Variants in LIX1 observed in about 807,000 individuals in gnomAD.
The protein encoded by LIX1 is protein limb expression 1 homolog.
In LIX1, 24 loss-of-function variants were observed where a neutral mutation model predicts 33.4. That is an observed-to-expected ratio of 0.72 (90% confidence interval 0.52 to 1.01). The LOEUF (loss-of-function observed/expected upper bound fraction) is 1.01. LIX1 is among the 50% of genes least tolerant of loss of function. The pLI, the probability that LIX1 is intolerant of heterozygous loss-of-function variation, is 0.00. For missense variants in LIX1, 311 were observed against 339.2 expected (o/e 0.92, Z 0.65); for synonymous variants, 124 against 124.0 (o/e 1.00, Z 0.00).
rs1208093783 is a variant in LIX1 at position 97,093,307 on chromosome 5, T to C, written c.*1441A>G. The C allele has an allele frequency of 6.6e-6, 1 of 152,334 alleles. No homozygotes were observed. The highest frequency in any genetic ancestry group is 1.5e-5 in the Non-Finnish European group (1 of 68,046). The allele number at this position is 152,334 out of a possible 1,614,324, so 9.4% of individuals were successfully genotyped here. On this transcript the variant is annotated 3_prime_UTR_variant, in exon 6 of 6. Transcript: ENST00000274382. Reference sequence around the variant, plus strand: ...GGTTTTGCTTTCAGTGAAGCATGTATGCACTTGCATAAACAAAAGAAAAAG... The same window carrying C: ...GGTTTTGCTTTCAGTGAAGCATGTACGCACTTGCATAAACAAAAGAAAAAG...
intron 3 of LIX1, 29 bp from the exon 4 acceptor site, chr5:97,105,314 T>A: frequency 1.9e-6 from 3 of 1,574,584 alleles, no homozygotes; most frequent in Non-Finnish European, 2.6e-6. Context: ...AAAAGAAAAA[T>A]TACTGATTTT....
rs923733719 is a variant in LIX1 at position 97,094,502 on chromosome 5, T to C, written c.*246A>G. ...GCCTGGAAAATGTTTTTCAAACAATTTTGTGTCTATCCTTTCATCCTGAGC... is the reference window on the plus strand; with the variant it reads ...GCCTGGAAAATGTTTTTCAAACAATCTTGTGTCTATCCTTTCATCCTGAGC... On this transcript the variant is annotated 3_prime_UTR_variant, in exon 6 of 6. Coordinates refer to ENST00000274382, the MANE Select transcript of LIX1 (RefSeq NM_153234.5). 3 of 480,262 alleles carry C rather than the reference T, an allele frequency of 6.2e-6. No individual in the cohort carries two copies. Among genetic ancestry groups the C allele is most frequent in the Non-Finnish European group, 1.1e-5 (3 of 272,228 alleles). The allele number at this position is 480,262 out of a possible 1,614,324, so 29.8% of individuals were successfully genotyped here.
intron 4 of LIX1, chr5:97,101,980 A>T (rs1343610694): frequency 6.6e-6 from 1 of 152,176 alleles, no homozygotes; most frequent in African/African-American, 2.4e-5. Context: ...TAAATATATT[A>T]ACCAGCTTCA....
At position 97,093,268 on chromosome 5, in the gene LIX1, A is replaced by T. The variant is rs1455962524; in HGVS notation, c.*1480T>A. 1.3e-5 allele frequency: 2 copies of T among 152,268 alleles called. No homozygotes were observed. Among genetic ancestry groups the T allele is most frequent in the African/African-American group, 4.8e-5 (2 of 41,462 alleles). The allele number at this position is 152,268 out of a possible 1,614,324, so 9.4% of individuals were successfully genotyped here. ...TAAAATATCATATTTTATAAACTTT[A>T]ATGTAATTATAATGGTTTTGCTTTC... On this transcript the variant is annotated 3_prime_UTR_variant, in exon 6 of 6. Transcript: ENST00000274382.
chr5:97,103,578 C>T (rs1025710935), intron 4 of LIX1, among the ~76,000 whole-genome samples: 10 of 152,198 alleles, frequency 6.6e-5, no homozygotes, highest in African/African-American at 2.2e-4. Flanking sequence ...CTGACATGTG[C>T]CCCATCCACT....
chr5:97,122,346 G>C (rs1747807459), intron 2 of LIX1, among the ~76,000 whole-genome samples: 3 of 152,082 alleles, frequency 2.0e-5, no homozygotes, highest in Admixed American at 6.6e-5. Context: ...TTAGACTGTG[G>C]CATCTTTGCC....
chr5:97,123,067 G>A (rs1043355582), intron 2 of LIX1, among the ~76,000 whole-genome samples: 7 of 152,004 alleles, frequency 4.6e-5, no homozygotes, highest in African/African-American at 1.7e-4. Context: ...CCCCTCTTCT[G>A]GTTCTTTGTC....
Position 97,120,826 on chromosome 5 carries a change from C to A in LIX1, c.246+3640G>T, listed in dbSNP as rs571829061. Among the ~76,000 whole-genome samples the A allele has an allele frequency of 2.2e-3, 332 of 152,220 alleles. 3 individuals carry two copies. The highest frequency in any genetic ancestry group is 7.8e-3 in the African/African-American group (324 of 41,538). On this transcript the variant is annotated intron_variant, in intron 2 of 5. Transcript: ENST00000274382. ...GGAGCCATTGAAGCCCCCCTTTTTA[C>A]TTTCTATTTTGAAATAAATGCTACG...
At chr5:97,126,357 C>G (rs1169448166) in intron 1 of LIX1, among the ~76,000 whole-genome samples, 1 of 152,186 alleles carries the variant, frequency 6.6e-6, no homozygotes, top group Non-Finnish European at 1.5e-5. Flanking sequence ...TACTAGAGCA[C>G]TAGGTGTCTG....
At position 97,095,018 on chromosome 5, in the gene LIX1, A is replaced by G. The variant is rs1746301120; in HGVS notation, c.579T>C (p.Tyr193=). Residue 193 remains tyrosine (Y), a synonymous_variant, in exon 6 of 6, where the codon TAT becomes TAC. Transcript: ENST00000274382. The stretch of plus-strand genomic sequence containing the variant: ...TCTTTTCATCTAGAGAATACTGAGA[A>G]TAGTAGGAGATGACTTCCTGGGGGC... ...KCSRQEVISY[Y]SQYSLDEKMR... 6.2e-7 allele frequency: 1 copy of G among 1,613,414 alleles called. No individual in the cohort carries two copies. The highest frequency in any genetic ancestry group is 8.5e-7 in the Non-Finnish European group (1 of 1,179,504).
In LIX1 at chr5:97,111,297, C is replaced by T. The variant is rs148165973; in HGVS notation, c.247-3797G>A. 7.8e-4 allele frequency among the ~76,000 whole-genome samples: 119 copies of T among 151,754 alleles called. 1 individual carries two copies. Among genetic ancestry groups the T allele is most frequent in the African/African-American group, 2.8e-3 (114 of 41,336 alleles). On this transcript the variant is annotated intron_variant, in intron 2 of 5. Coordinates refer to ENST00000274382, the MANE Select transcript of LIX1 (RefSeq NM_153234.5). ...CTAGACATAATGTTCAAGAGATCCT[C>T]GTAAAGAAAAGAATGAAAGATATAT...
rs1372305764 is a variant in LIX1, at chr5:97,107,475, C to T, written c.272G>A (p.Arg91Lys). 1.9e-6 allele frequency: 3 copies of T among 1,613,830 alleles called. No homozygotes were observed. Among genetic ancestry groups the T allele is most frequent in the Admixed American group, 3.3e-5 (2 of 59,998 alleles). Residue 91 changes from arginine (R) to lysine (K), a missense_variant, in exon 3 of 6, where the codon AGG becomes AAG. Arg to Lys is a conservative substitution (Grantham distance 26, BLOSUM62 2). Coordinates refer to ENST00000274382, the MANE Select transcript of LIX1 (RefSeq NM_153234.5). ...FQCCLSRAEA[R>K]RDAAKVALIN... ...CAGGGCCACTTTAGCTGCATCCCGC[C>T]TGGCCTCGGCTCTACTTAAGCAGCA...
At chr5:97,139,445 A>G (rs1748239852) in intron 1 of LIX1, among the ~76,000 whole-genome samples, 1 of 152,242 alleles carries the variant, frequency 6.6e-6, no homozygotes, top group Admixed American at 6.5e-5. Context: ...GTACGCAAGG[A>G]ATTGTCAAAC....
At chr5:97,123,338 C>T (rs575115976) in intron 2 of LIX1, among the ~76,000 whole-genome samples, 3 of 152,244 alleles carry the variant, frequency 2.0e-5, no homozygotes, top group South Asian at 4.2e-4. Context: ...ATACTTTCTT[C>T]GTCCTCACCT....
rs753505640 is a variant in LIX1 at position 97,142,607 on chromosome 5, A to G, written c.-31T>C. The G allele has an allele frequency of 6.4e-7, 1 of 1,558,362 alleles. No individual in the cohort carries two copies. Among genetic ancestry groups the G allele is most frequent in the Non-Finnish European group, 8.9e-7 (1 of 1,129,706 alleles). On this transcript the variant is annotated 5_prime_UTR_variant, in exon 1 of 6. Coordinates refer to ENST00000274382, the MANE Select transcript of LIX1 (RefSeq NM_153234.5). Reference sequence around the variant, plus strand: ...GTCTGCCTGTGTGAGCCTCCTGTACAGAGTGTCCTCATGCCTGAATTCTTG... The same window carrying G: ...GTCTGCCTGTGTGAGCCTCCTGTACGGAGTGTCCTCATGCCTGAATTCTTG...
chr5:97,127,096 A>G (rs1313448857), intron 1 of LIX1, among the ~76,000 whole-genome samples: 1 of 152,080 alleles, frequency 6.6e-6, no homozygotes, highest in Non-Finnish European at 1.5e-5. Flanking sequence ...CTTGCAGTTG[A>G]CCTCCAGAAG....
At chr5:97,114,956 C>T (rs1008622661) in intron 2 of LIX1, among the ~76,000 whole-genome samples, 2 of 152,134 alleles carry the variant, frequency 1.3e-5, no homozygotes, top group Non-Finnish European at 2.9e-5. Flanking sequence ...CTGCTTCTAC[C>T]CAAGAGTCAA....
At chr5:97,105,096 T>A in intron 4 of LIX1, 94 bp downstream of exon 4, 1 of 1,137,790 alleles carries the variant, frequency 8.8e-7, no homozygotes, top group South Asian at 1.3e-5. Flanking sequence ...GACCAAAAGA[T>A]TATTGGGTCG....
chr5:97,142,364 G>C, intron 1 of LIX1, 131 bp downstream of exon 1: 4 of 637,728 alleles, frequency 6.3e-6, no homozygotes, highest in Non-Finnish European at 1.1e-5. Context: ...TCAGGAACAA[G>C]TTAAAATATC....
Sources: allele counts gnomAD v4.1 joint callset (sites outside exome capture counted in the v4.1 genomes callset), GRCh38; gene constraint gnomAD v4.1.1; transcripts MANE v1.5; gene names NCBI Gene and HGNC (gene_info 2026-07-23, HGNC 2026-07-21).